ATP7B: variants seen among roughly 807,000 people sequenced by gnomAD.
ATP7B encodes the protein copper-transporting ATPase 2.
ATP7B carries 113 observed loss-of-function variants against 118.9 expected under a neutral mutation model. That is an observed-to-expected ratio of 0.95 (90% CI 0.82 to 1.11). The LOEUF is 1.11. Among genes scored for constraint, ATP7B ranks in the 50% most tolerant of loss-of-function variants. The pLI is 0.00. For synonymous variants in ATP7B, 777 were observed against 727.4 expected (o/e 1.07, Z -1.10); for missense variants, 1,867 against 1,871.4 (o/e 1.00, Z 0.04).
intron 8 of ATP7B, 191 bp downstream of exon 8, chr13:51,958,120 G>C: frequency 1.5e-6 from 1 of 652,352 alleles, no homozygotes; most frequent in South Asian, 1.9e-5. Flanking sequence ...AACCAGATTA[G>C]CTGGGATTTC....
intron 8 of ATP7B, chr13:51,957,935 A>G: frequency 6.5e-6 from 3 of 459,144 alleles, no homozygotes; most frequent in South Asian, 6.4e-5. Context: ...TGTAAGATAC[A>G]TTTCAGTGTT....
chr13:51,979,562 CTTT>C (rs1353814242), intron 1 of ATP7B, among the ~76,000 whole-genome samples: 1 of 152,094 alleles, frequency 6.6e-6, no homozygotes, highest in Non-Finnish European at 1.5e-5. Context: ...TTAAATACTT[CTTT>C]AATTAAAAAA....
chr13:51,961,702 T>C, intron 6 of ATP7B, 135 bp downstream of exon 6: 1 of 845,382 alleles, frequency 1.2e-6, no homozygotes, highest in Non-Finnish European at 2.0e-6. Flanking sequence ...TTCAGAGGGT[T>C]CACATTACAA....
At chr13:51,966,661 TA>T in intron 4 of ATP7B, 8 of 1,192,100 alleles carry the variant, frequency 6.7e-6, no homozygotes, top group South Asian at 2.7e-5. Flanking sequence ...ATGGTTTTTT[TA>T]AAAAAAGAAC....
intron 4 of ATP7B, among the ~76,000 whole-genome samples, chr13:51,967,910 C>T (rs1951643281): frequency 6.6e-6 from 1 of 152,234 alleles, no homozygotes; most frequent in Admixed American, 6.5e-5. Context: ...TACCTCCCCA[C>T]CCAAAACACT....
chr13:51,939,084 G>A lies in ATP7B; in HGVS notation c.3666C>T (p.Asp1222=). ...CAATAGCTCTGGCTGTCTTCCGGTTGTCCCCCGTGATCAGAACCACGTCCA... is the reference window on the plus strand; with the variant it reads ...CAATAGCTCTGGCTGTCTTCCGGTTATCCCCCGTGATCAGAACCACGTCCA... ...MGVDVVLITG[D]NRKTARAIAT... Residue 1222 remains aspartate (D), a synonymous_variant, in exon 17 of 21, where the codon GAC becomes GAT. Transcript: ENST00000242839. 1 of 1,614,224 alleles carries A rather than the reference G, an allele frequency of 6.2e-7. No homozygotes were observed. The highest frequency in any genetic ancestry group is 8.5e-7 in the Non-Finnish European group (1 of 1,180,042).
chr13:51,937,163 C>A, intron 19 of ATP7B, 113 bp downstream of exon 19: 5 of 967,980 alleles, frequency 5.2e-6, no homozygotes, highest in Non-Finnish European at 8.0e-6. Context: ...AACAGCCTTT[C>A]TAAAACGCCT....
rs753410039 is a variant in ATP7B, at chr13:51,950,172, G to A, written c.2576-11C>T. On this transcript the variant is annotated splice_polypyrimidine_tract_variant and intron_variant, in intron 10 of 20. Coordinates refer to ENST00000242839, the MANE Select transcript of ATP7B (RefSeq NM_000053.4). ...CTGGCATGGCTTCTCCTAGACGTAG[G>A]AAAGAGACAACTGTCACTTGCTCAG... The A allele has an allele frequency of 6.2e-7, 1 of 1,614,144 alleles. No homozygotes were observed. Among genetic ancestry groups the A allele is most frequent in the Admixed American group, 1.7e-5 (1 of 60,020 alleles).
chr13:51,974,078 A>C lies in ATP7B; in HGVS notation c.1142T>G (p.Ile381Ser), dbSNP rs766943890. 6 of 1,614,090 alleles carry C rather than the reference A, an allele frequency of 3.7e-6. No individual in the cohort carries two copies. Among genetic ancestry groups the C allele is most frequent in the Admixed American group, 3.3e-5 (2 of 60,016 alleles). ...TTGCTGCACCCCTTCCAGTTGGGAG[A>C]TCATGCCTTCAATGGAATGGACACA... is the stretch of plus-strand genomic sequence containing the variant. ...ASCVHSIEGM[I>S]SQLEGVQQIS... is the part of the protein sequence containing the mutation. The change falls in exon 2 of 21, where the codon ATC becomes AGC. Residue 381 changes from isoleucine to serine, a missense_variant. Transcript: ENST00000242839.
intron 19 of ATP7B, among the ~76,000 whole-genome samples, chr13:51,936,409 T>G (rs1475721112): frequency 8.7e-6 from 1 of 115,210 alleles, no homozygotes; most frequent in Admixed American, 1.3e-4. Flanking sequence ...AGGAGCACTC[T>G]GGAACTTTTC....
intron 2 of ATP7B, among the ~76,000 whole-genome samples, chr13:51,973,387 C>T (rs1387600991): frequency 2.6e-5 from 4 of 152,166 alleles, no homozygotes; most frequent in Admixed American, 6.5e-5. Flanking sequence ...CCCAATGTGG[C>T]AGTGTTAAAA....
intron 1 of ATP7B, among the ~76,000 whole-genome samples, chr13:51,977,661 T>C (rs774540586): frequency 8.5e-5 from 13 of 152,360 alleles, no homozygotes; most frequent in Non-Finnish European, 1.6e-4. Context: ...AGTAACATAG[T>C]CATTTATTAT....
Position 51,959,962 on chromosome 13 carries a change from C to T in ATP7B, c.2121+186G>A, listed in dbSNP as rs1000689328. Reference sequence around the variant, plus strand: ...TTAGTAGTCCCCCACACTGGGGGGGCCCCAAGCCCCACCTACTGGTCATTA... The same window carrying T: ...TTAGTAGTCCCCCACACTGGGGGGGTCCCAAGCCCCACCTACTGGTCATTA... On this transcript the variant is annotated intron_variant, in intron 7 of 20. Transcript: ENST00000242839. 5.1e-6 allele frequency: 4 copies of T among 783,984 alleles called. No individual in the cohort carries two copies. In the Admixed American group the frequency reaches 7.5e-5, roughly 15 times the overall value. 48.6% of individuals were successfully genotyped at this position (783,984 alleles called of 1,614,324 possible).
intron 20 of ATP7B, among the ~76,000 whole-genome samples, 155 bp downstream of exon 20, chr13:51,935,438 C>T (rs1048591501): frequency 7.2e-5 from 11 of 152,234 alleles, no homozygotes; most frequent in Non-Finnish European, 1.3e-4. Flanking sequence ...TGATAAGTTA[C>T]ATGCATGCAC....
intron 1 of ATP7B, among the ~76,000 whole-genome samples, chr13:52,009,920 A>G (rs1953943262): frequency 6.6e-6 from 1 of 152,224 alleles, no homozygotes; most frequent in Non-Finnish European, 1.5e-5. Flanking sequence ...GAGAGTGCAC[A>G]TAGAGGGATA....
chr13:51,972,771 G>C (rs904893795), intron 2 of ATP7B, among the ~76,000 whole-genome samples: 1 of 152,120 alleles, frequency 6.6e-6, no homozygotes, highest in Admixed American at 6.5e-5. Flanking sequence ...AGGCTGAGGC[G>C]GGAGGATTGC....
At chr13:52,012,013 T>C (rs1021025464), upstream of ATP7B, 73 of 361,732 alleles carry the variant, frequency 2.0e-4, no homozygotes, top group East Asian at 1.4e-3. Context: ...AAGAGTGAAC[T>C]CCGCACCTGG....
intron 5 of ATP7B, among the ~76,000 whole-genome samples, chr13:51,963,703 T>C (rs1381938006): frequency 2.5e-5 from 3 of 118,036 alleles, no homozygotes; most frequent in African/African-American, 6.8e-5. Context: ...GCCATCACAC[T>C]CCAGCCTGGG....
At chr13:51,973,639 T>C (rs1261389944) in intron 2 of ATP7B, among the ~76,000 whole-genome samples, 1 of 152,200 alleles carries the variant, frequency 6.6e-6, no homozygotes, top group African/African-American at 2.4e-5. Context: ...TCTCAGTAAC[T>C]ATAAGAAACA....
Sources: gnomAD v4.1 joint callset for allele counts (sites outside exome capture counted in the v4.1 genomes callset) on GRCh38, gnomAD v4.1.1 for gene constraint, MANE v1.5 for transcripts, NCBI Gene and HGNC (gene_info 2026-07-23, HGNC 2026-07-21) for gene names.